The following PCDHA9 variants were observed in gnomAD, a reference collection of about 807,000 sequenced individuals.
PCDHA9 encodes the protein protocadherin alpha 9, also known as protocadherin alpha-9.
Under a neutral mutation model 62.0 loss-of-function variants are expected in PCDHA9, and 62 were observed. The ratio of observed to expected loss-of-function variants is 1.00; its 90% CI spans 0.81 to 1.23. PCDHA9 has a LOEUF of 1.23. PCDHA9 is among the 50% of genes most tolerant of loss of function. The pLI is 0.00. For missense variants in PCDHA9, 1,205 were observed against 1,249.8 expected (o/e 0.96, Z 0.54); for synonymous variants, 557 against 567.6 (o/e 0.98, Z 0.27).
chr5:141,010,031 A>G lies in PCDHA9; in HGVS notation c.*94A>G, dbSNP rs113710382. The stretch of plus-strand genomic sequence containing the variant: ...TTCCCTGCTCCTTTTTCCTATCTAC[A>G]TGAGCCCTCTTAGAGACCTCAGAAA... On this transcript the variant is annotated 3_prime_UTR_variant, in exon 4 of 4. Transcript: ENST00000532602. 1.9e-6 allele frequency: 3 copies of G among 1,581,690 alleles called. No individual in the cohort carries two copies. The highest frequency in any genetic ancestry group is 2.6e-6 in the Non-Finnish European group (3 of 1,166,446).
chr5:140,975,588 A>G (rs2096673583), intron 1 of PCDHA9, among the ~76,000 whole-genome samples: 1 of 152,210 alleles, frequency 6.6e-6, no homozygotes, highest in South Asian at 2.1e-4. Context: ...CATGTCCCAG[A>G]GGGCAATTTG....
rs530453384 is a variant in PCDHA9, at chr5:140,891,358, GA to G, written c.2394+40470del. Among the ~76,000 whole-genome samples the G allele has an allele frequency of 3.0e-3, 462 of 152,158 alleles. 1 individual carries two copies. Among genetic ancestry groups the G allele is most frequent in the Non-Finnish European group, 4.7e-3 (320 of 67,992 alleles). On this transcript the variant is annotated intron_variant, in intron 1 of 3. Transcript: ENST00000532602. ...TGAGATTTTGGTGCATCCATCACCT[GA>G]GCAGTATACATTGCACCATATTTGC...
rs782727100 is a variant in PCDHA9, at chr5:140,877,121, C to G, written c.2394+26232C>G. 12 of 1,613,694 alleles carry G rather than the reference C, an allele frequency of 7.4e-6. No homozygotes were observed. In the South Asian group the frequency reaches 8.8e-5, roughly 12 times the overall value. ...GTGCCGCCTCTGGGCAGCAACGTGA[C>G]GCTGCAGGTGTTCGTGCTGGACGAG... is the stretch of plus-strand genomic sequence containing the variant. On this transcript the variant is annotated intron_variant, in intron 1 of 3. Coordinates refer to ENST00000532602, the MANE Select transcript of PCDHA9 (RefSeq NM_031857.2).
At chr5:140,862,775 A>C (rs1480702653) in intron 1 of PCDHA9, 4 of 576,960 alleles carry the variant, frequency 6.9e-6, no homozygotes, top group Non-Finnish European at 1.3e-5. Flanking sequence ...TACGCGTTGC[A>C]GCCACTGGAC....
At chr5:140,882,332 G>A (rs782439110) in intron 1 of PCDHA9, 1 of 1,614,178 alleles carries the variant, frequency 6.2e-7, no homozygotes, top group Non-Finnish European at 8.5e-7. Flanking sequence ...TCTGATCCTC[G>A]CAGCCTGGGA....
At chr5:140,993,509 CGGGGAGAGAGAG>C (rs1563592888) in intron 3 of PCDHA9, among the ~76,000 whole-genome samples, 1 of 143,490 alleles carries the variant, frequency 7.0e-6, no homozygotes, top group Admixed American at 7.0e-5. Context: ...CACACACACA[CGGGGAGAGAGAG>C]ACAGAGAGAG....
chr5:141,001,114 A>G (rs1456437716), intron 3 of PCDHA9, among the ~76,000 whole-genome samples: 4 of 152,062 alleles, frequency 2.6e-5, no homozygotes, highest in Non-Finnish European at 4.4e-5. Flanking sequence ...TAAGCAATCA[A>G]TAGTCCTTAA....
At chr5:140,860,143 GTA>G (rs1352808505) in intron 1 of PCDHA9, 2 of 148,758 alleles carry the variant, frequency 1.3e-5, no homozygotes, top group Non-Finnish European at 3.0e-5. Flanking sequence ...GTATATATAT[GTA>G]TATATGTGTA....
At chr5:140,987,452 A>C (rs1430622755) in intron 3 of PCDHA9, among the ~76,000 whole-genome samples, 2 of 152,076 alleles carry the variant, frequency 1.3e-5, no homozygotes, top group Non-Finnish European at 2.9e-5. Context: ...CCCGAGAGAT[A>C]ATTGTTAAGA....
At chr5:140,875,265 T>G in intron 1 of PCDHA9, 1 of 1,201,060 alleles carries the variant, frequency 8.3e-7, no homozygotes, top group Non-Finnish European at 1.1e-6. Context: ...GATGTCGCTC[T>G]ACACTCAGAA....
chr5:140,863,086 A>T, intron 1 of PCDHA9: 3 of 573,948 alleles, frequency 5.2e-6, no homozygotes, highest in South Asian at 4.1e-5. Flanking sequence ...GGGCGAGATC[A>T]GCACGACGAG....
At chr5:140,979,067 A>C (rs1938790025) in intron 2 of PCDHA9, 60 bp downstream of exon 2, 1 of 1,601,882 alleles carries the variant, frequency 6.2e-7, no homozygotes, top group Non-Finnish European at 8.5e-7. Flanking sequence ...GCTCAGATAA[A>C]CTGCATCTCC....
At chr5:140,853,462 C>T (rs1386923717) in intron 1 of PCDHA9, 1 of 971,854 alleles carries the variant, frequency 1.0e-6, no homozygotes, top group African/African-American at 1.8e-5. Context: ...TCCTTATATG[C>T]ATCTGTAGTT....
At chr5:140,936,972 T>C (rs2091238144) in intron 1 of PCDHA9, among the ~76,000 whole-genome samples, 2 of 152,314 alleles carry the variant, frequency 1.3e-5, no homozygotes, top group South Asian at 4.1e-4. Context: ...TATAAAAATA[T>C]GAAGCTTGTT....
chr5:140,904,150 C>T (rs1005130566), intron 1 of PCDHA9, among the ~76,000 whole-genome samples: 1 of 152,036 alleles, frequency 6.6e-6, no homozygotes, highest in Non-Finnish European at 1.5e-5. Context: ...GTATACATTG[C>T]ACCCAGTTTG....
At chr5:140,877,761 C>T (rs2057326734) in intron 1 of PCDHA9, 4 of 1,614,180 alleles carry the variant, frequency 2.5e-6, no homozygotes, top group Non-Finnish European at 8.5e-7. Flanking sequence ...CTGCAGAGAG[C>T]CCGCCCAAGA....
At chr5:140,911,589 C>A (rs1583792136) in intron 1 of PCDHA9, among the ~76,000 whole-genome samples, 1 of 152,302 alleles carries the variant, frequency 6.6e-6, no homozygotes, top group Middle Eastern at 3.4e-3. Flanking sequence ...TTAGGAGGAA[C>A]CAACCAACTT....
intron 1 of PCDHA9, among the ~76,000 whole-genome samples, chr5:140,938,921 T>C (rs2092266107): frequency 6.6e-6 from 1 of 151,840 alleles, no homozygotes; most frequent in Non-Finnish European, 1.5e-5. Context: ...GCACAAGAAA[T>C]TGGCTTTTAA....
At chr5:140,967,091 G>A (rs782261207) in intron 1 of PCDHA9, 1 of 1,613,196 alleles carries the variant, frequency 6.2e-7, no homozygotes. Context: ...TGATCGGGAG[G>A]CGCTGTGTGA....
Sources: allele counts gnomAD v4.1 joint callset (sites outside exome capture counted in the v4.1 genomes callset), GRCh38; gene constraint gnomAD v4.1.1; transcripts MANE v1.5; gene names NCBI Gene and HGNC (gene_info 2026-07-23, HGNC 2026-07-21).